PAN2: variants seen among roughly 807,000 people sequenced by gnomAD.
PAN2 encodes poly(A) specific ribonuclease subunit PAN2, also known as PAN2-PAN3 deadenylation complex catalytic subunit PAN2.
Under a neutral mutation model 133.3 loss-of-function variants are expected in PAN2, and 68 were observed. The ratio of observed to expected loss-of-function variants is 0.51; its 90% CI spans 0.42 to 0.62. PAN2 has a LOEUF of 0.62. Among genes scored for constraint, PAN2 ranks in the 20% least tolerant of loss-of-function variants. The probability of loss-of-function intolerance (pLI) is 0.00; values close to 1 mark genes in which losing one functional copy is unlikely to be tolerated. For synonymous variants in PAN2, 462 were observed against 544.6 expected, an observed-to-expected ratio of 0.85 and a Z score of 2.11; for missense variants, 1,042 against 1,500.5, an observed-to-expected ratio of 0.69 and a Z score of 5.05.
rs757775194 is a variant in PAN2, at chr12:56,323,634, T to C, written c.2173-36A>G. On this transcript the variant is annotated intron_variant, in intron 14 of 25. Coordinates refer to ENST00000440411, the MANE Select transcript of PAN2 (RefSeq NM_014871.6). ...GAAACAAACAAGGAATGGCAGGGAA[T>C]GTACAGGAAAAGGAGTCTGGACAGG... The C allele has an allele frequency of 8.8e-6, 14 of 1,591,076 alleles. No homozygotes were observed. In the Admixed American group the frequency reaches 1.0e-4, roughly 11 times the overall value.
chr12:56,325,313 A>C lies in PAN2; in HGVS notation c.1479+22T>G, dbSNP rs374347340. On this transcript the variant is annotated intron_variant, in intron 9 of 25. Transcript: ENST00000440411. ...CAGGGTACCTTTCCCCACATCCCAC[A>C]GGCCCTGATGTCCCCCAGCACCTTG... is the stretch of plus-strand genomic sequence containing the variant. The C allele has an allele frequency of 1.1e-5, 17 of 1,613,616 alleles. No individual in the cohort carries two copies. In the South Asian group the frequency reaches 1.3e-4, roughly 13 times the overall value.
At position 56,332,950 on chromosome 12, in the gene PAN2, G is replaced by A; in HGVS notation, c.145C>T (p.Leu49Phe). Residue 49 changes from leucine (L) to phenylalanine (F), a missense_variant, in exon 2 of 26, where the codon CTT becomes TTT. Physicochemically the swap from Leu to Phe is conservative, Grantham distance 22. Around this residue, in one of 3 missense-constraint regions of PAN2, gnomAD observed 908 missense variants for 1,223.5 expected, o/e 0.74. Coordinates refer to ENST00000440411, the MANE Select transcript of PAN2 (RefSeq NM_014871.6). ...ATGTGCACTGATTCCTGGACGGGAA[G>A]AGCCTCCAAGGCCACTCCCTCTGGG... is the stretch of plus-strand genomic sequence containing the variant. Reference protein sequence around the residue: ...LDPEGVALEALPVQESVHIME... With the variant: ...LDPEGVALEAFPVQESVHIME... 1 of 1,614,180 alleles carries A rather than the reference G, an allele frequency of 6.2e-7. No individual in the cohort carries two copies. Among genetic ancestry groups the A allele is most frequent in the Non-Finnish European group, 8.5e-7 (1 of 1,180,028 alleles).
At position 56,317,602 on chromosome 12, in the gene PAN2, A is replaced by C; in HGVS notation, c.*7T>G. ...GGGAGAGGGCCGTGGTTCTTTGGGA[A>C]GGGTAGTCAGAGCGCCAGCACTGAG... On this transcript the variant is annotated 3_prime_UTR_variant, in exon 26 of 26. Transcript: ENST00000440411. 1 of 1,612,964 alleles carries C rather than the reference A, an allele frequency of 6.2e-7. No homozygotes were observed. Among genetic ancestry groups the C allele is most frequent in the Non-Finnish European group, 8.5e-7 (1 of 1,179,042 alleles).
rs75346272 is a variant in PAN2 at position 56,324,908 on chromosome 12, G to A, written c.1599+101C>T. On this transcript the variant is annotated intron_variant, in intron 10 of 25. Coordinates refer to ENST00000440411, the MANE Select transcript of PAN2 (RefSeq NM_014871.6). ...GAATTGTAGAGGAGACCATGGTAAA[G>A]AGAACACGGCTGAGGAGACCTGGAA... 6.8e-4 allele frequency: 993 copies of A among 1,454,004 alleles called. 1 individual carries two copies. The highest frequency in any genetic ancestry group is 8.8e-4 in the Non-Finnish European group (941 of 1,067,470). 90.1% of individuals were successfully genotyped at this position (1,454,004 alleles called of 1,614,324 possible).
chr12:56,326,240 G>C (rs1875109028), intron 8 of PAN2, 73 bp downstream of exon 8: 1 of 1,358,968 alleles, frequency 7.4e-7, no homozygotes, highest in African/African-American at 1.5e-5. Flanking sequence ...ACAAAAGAAA[G>C]ACTAGTAAAG....
chr12:56,332,662 C>G, intron 2 of PAN2, 151 bp downstream of exon 2: 1 of 712,070 alleles, frequency 1.4e-6, no homozygotes, highest in Non-Finnish European at 2.4e-6. Flanking sequence ...CTCCTAGATC[C>G]TAGATTCTCC....
intron 20 of PAN2, among the ~76,000 whole-genome samples, chr12:56,320,366 G>T (rs558286002): frequency 6.6e-6 from 1 of 152,224 alleles, no homozygotes; most frequent in Admixed American, 6.5e-5. Flanking sequence ...AGCCAGGCGC[G>T]GTGGCTAATG....
In PAN2 at chr12:56,333,157, G is replaced by A; in HGVS notation, c.-63C>T. ...CTTACCACAGTCCCTTTAGATGCCT[G>A]ACCCAACCTTCAGCAAGACAGCACC... On this transcript the variant is annotated 5_prime_UTR_variant, in exon 2 of 26. Transcript: ENST00000440411. 1 of 1,550,524 alleles carries A rather than the reference G, an allele frequency of 6.4e-7. No homozygotes were observed. Among genetic ancestry groups the A allele is most frequent in the African/African-American group, 1.4e-5 (1 of 73,892 alleles).
rs771700718 is a variant in PAN2, at chr12:56,322,623, G to A, written c.2629C>T (p.Arg877Cys). 20 of 1,614,082 alleles carry A rather than the reference G, an allele frequency of 1.2e-5. No homozygotes were observed. Among genetic ancestry groups the A allele is most frequent in the South Asian group, 3.3e-5 (3 of 91,068 alleles). Reference sequence around the variant, plus strand: ...TCTACAACCTCACTCACCTCCTTGCGCTGGTGGTAGGTCTCTCCAACTTTG... The same window carrying A: ...TCTACAACCTCACTCACCTCCTTGCACTGGTGGTAGGTCTCTCCAACTTTG... ...HIKVGETYHQ[R>C]KEGVTHQQWY... Residue 877 changes from arginine to cysteine, a missense_variant, in exon 18 of 26, where the codon CGC becomes TGC. By Grantham distance (180) the Arg-to-Cys change is radical (BLOSUM62 -3). Coordinates refer to ENST00000440411, the MANE Select transcript of PAN2 (RefSeq NM_014871.6).
Position 56,332,970 on chromosome 12 carries a change from T to C in PAN2, c.125A>G (p.Glu42Gly), listed in dbSNP as rs1463311011. ...GGGAAGAGCCTCCAAGGCCACTCCC[T>C]CTGGGTCCAGCTCCACATTCTGTAG... is the stretch of plus-strand genomic sequence containing the variant. ...SLLQNVELDP[E>G]GVALEALPVQ... The change falls in exon 2 of 26, where the codon GAG becomes GGG. Residue 42 changes from glutamate to glycine, a missense_variant. Glu to Gly is a moderately conservative substitution (Grantham distance 98, BLOSUM62 -2). This residue lies in a region of PAN2 where 908 missense variants were observed against 1,223.5 expected (regional missense o/e 0.74). Transcript: ENST00000440411. The C allele has an allele frequency of 2.5e-6, 4 of 1,614,070 alleles. No individual in the cohort carries two copies. In the Admixed American group the frequency reaches 6.7e-5, roughly 27 times the overall value.
chr12:56,324,002 T>C (rs371856925), intron 13 of PAN2, 47 bp downstream of exon 13: 19 of 1,612,576 alleles, frequency 1.2e-5, no homozygotes, highest in African/African-American at 1.1e-4. Flanking sequence ...ACAGGACATT[T>C]TGGGGAGCCT....
At chr12:56,323,743 TG>T in intron 14 of PAN2, 63 bp downstream of exon 14, 1 of 1,446,340 alleles carries the variant, frequency 6.9e-7, no homozygotes. Flanking sequence ...CAGCCCCACA[TG>T]GGATAGTGGC....
Position 56,327,540 on chromosome 12 carries a change from AGGTT to A in PAN2, c.739_742del (p.Asn247CysfsTer2). The A allele has an allele frequency of 6.2e-7, 1 of 1,614,250 alleles. No individual in the cohort carries two copies. The highest frequency in any genetic ancestry group is 8.5e-7 in the Non-Finnish European group (1 of 1,180,042). ...GCTGGAGAAGCCACAGGCAGCTAGCAGGTTGCCATGCACATCAAAGTCTGACAGA... is the reference window on the plus strand; with the variant it reads ...GCTGGAGAAGCCACAGGCAGCTAGCAGCCATGCACATCAAAGTCTGACAGA... On this transcript the variant is annotated frameshift_variant, in exon 6 of 26. Coordinates refer to ENST00000440411, the MANE Select transcript of PAN2 (RefSeq NM_014871.6). LOFTEE classifies it high-confidence loss of function.
chr12:56,328,185 C>T, intron 4 of PAN2, 53 bp downstream of exon 4: 2 of 1,593,618 alleles, frequency 1.3e-6, no homozygotes, highest in East Asian at 2.2e-5. Flanking sequence ...GCATACCCTG[C>T]CCCCGCAACA....
At chr12:56,318,964 T>G in intron 24 of PAN2, 124 bp downstream of exon 24, 2 of 818,370 alleles carry the variant, frequency 2.4e-6, no homozygotes, top group Non-Finnish European at 4.0e-6. Context: ...GTTTCTGAGT[T>G]AGTTCACTTA....
chr12:56,323,638 C>A (rs1592436416), intron 14 of PAN2, 40 bp from the exon 15 acceptor site: 1 of 1,580,434 alleles, frequency 6.3e-7, no homozygotes, highest in Non-Finnish European at 8.7e-7. Flanking sequence ...AGGGAATGTA[C>A]AGGAAAAGGA....
At chr12:56,329,622 C>G (rs1426731030) in intron 2 of PAN2, among the ~76,000 whole-genome samples, 3 of 151,866 alleles carry the variant, frequency 2.0e-5, no homozygotes, top group African/African-American at 7.2e-5. Flanking sequence ...TCAGTCACCG[C>G]ACCTGGCCTA....
In PAN2 at chr12:56,322,185, G is replaced by A; in HGVS notation, c.2698-17C>T. ...AGCTTCATGCTATAGAAGAGAAAAA[G>A]CACTTATGGCTAATGTATATCACCC... On this transcript the variant is annotated splice_polypyrimidine_tract_variant and intron_variant, in intron 19 of 25. Coordinates refer to ENST00000440411, the MANE Select transcript of PAN2 (RefSeq NM_014871.6). The A allele has an allele frequency of 6.9e-7, 1 of 1,459,268 alleles. No individual in the cohort carries two copies. The highest frequency in any genetic ancestry group is 9.6e-7 in the Non-Finnish European group (1 of 1,039,920). 90.4% of individuals were successfully genotyped at this position (1,459,268 alleles called of 1,614,324 possible). A position where few individuals can be genotyped will look rare whatever the true frequency, so the allele number is the denominator to read the frequency against.
Position 56,322,168 on chromosome 12 carries a change from G to T in PAN2, c.2698C>A (p.His900Asn). 6.3e-7 allele frequency: 1 copy of T among 1,584,620 alleles called. No homozygotes were observed. Among genetic ancestry groups the T allele is most frequent in the Non-Finnish European group, 8.7e-7 (1 of 1,153,844 alleles). The change falls in exon 20 of 26, where the codon CAT (histidine) becomes AAT (asparagine). Residue 900 changes from histidine (H) to asparagine (N), a missense_variant and splice_region_variant. By Grantham distance (68) the His-to-Asn change is moderately conservative. Transcript: ENST00000440411. ...TTCATGTCAAACTGCACAGCTTCATGCTATAGAAGAGAAAAAGCACTTATG... is the reference window on the plus strand; with the variant it reads ...TTCATGTCAAACTGCACAGCTTCATTCTATAGAAGAGAAAAAGCACTTATG... The part of the protein sequence containing the change: ...NDFLIEPIDK[H>N]EAVQFDMNWK...
Sources: allele counts gnomAD v4.1 joint callset (sites outside exome capture counted in the v4.1 genomes callset), GRCh38; gene constraint gnomAD v4.1.1; regional missense constraint gnomAD v4.1.1; transcripts MANE v1.5; gene names NCBI Gene and HGNC (gene_info 2026-07-23, HGNC 2026-07-21).